AK3: variants seen among roughly 807,000 people sequenced by gnomAD.
AK3 encodes the protein adenylate kinase 3.
AK3 carries 27 observed loss-of-function variants against 23.7 expected under a neutral mutation model. That is an observed-to-expected ratio of 1.14 (90% CI 0.84 to 1.57). The LOEUF (loss-of-function observed/expected upper bound fraction) is 1.57. Among genes scored for constraint, AK3 ranks in the 40% most tolerant of loss-of-function variants. The probability of loss-of-function intolerance (pLI) is 0.00; values close to 1 mark genes in which losing one functional copy is unlikely to be tolerated. For missense variants in AK3, 406 were observed against 285.6 expected (o/e 1.42, Z -3.04); for synonymous variants, 159 against 116.0 (o/e 1.37, Z -2.38).
At chr9:4,740,823 G>A in intron 1 of AK3, 114 bp downstream of exon 1, 1 of 1,258,554 alleles carries the variant, frequency 7.9e-7, no homozygotes. Context: ...CCGGGCGGCG[G>A]GAGGGAAATG....
chr9:4,733,926 GC>G (rs773725237), intron 1 of AK3, among the ~76,000 whole-genome samples: 23 of 152,202 alleles, frequency 1.5e-4, no homozygotes, highest in Non-Finnish European at 2.9e-4. Context: ...GGAACTGGAA[GC>G]TCCCCCTCTG....
intron 4 of AK3, 37 bp from the exon 5 acceptor site, chr9:4,713,133 G>T: frequency 1.2e-6 from 2 of 1,605,052 alleles, no homozygotes; most frequent in African/African-American, 1.3e-5. Flanking sequence ...ACACACACAG[G>T]TCTGAGTCTT....
At position 4,713,019 on chromosome 9, in the gene AK3, G is replaced by C. The variant is rs767490182; in HGVS notation, c.641C>G (p.Thr214Ser). ...IWPYVYAFLQ[T>S]KVPQRSQKAS... is the part of the protein sequence containing the mutation. ...TTTCTGGCTTCTTTGTGGAACTTTA[G>C]TTTGTAGGAAAGCATATACATAGGG... The change falls in exon 5 of 5, where the codon ACT (threonine) becomes AGT (serine). Residue 214 changes from threonine to serine, a missense_variant. Physicochemically the swap from Thr to Ser is moderately conservative, Grantham distance 58 (BLOSUM62 1). Coordinates refer to ENST00000381809, the MANE Select transcript of AK3 (RefSeq NM_016282.4). 14 of 1,613,572 alleles carry C rather than the reference G, an allele frequency of 8.7e-6. No homozygotes were observed. The highest frequency in any genetic ancestry group is 8.3e-5 in the Admixed American group (5 of 59,978).
chr9:4,718,850 A>C (rs1376353185), intron 3 of AK3, among the ~76,000 whole-genome samples: 1 of 152,232 alleles, frequency 6.6e-6, no homozygotes, highest in Non-Finnish European at 1.5e-5. Flanking sequence ...AGTCCTAAAT[A>C]AACCAAGGTG....
intron 4 of AK3, among the ~76,000 whole-genome samples, chr9:4,716,255 C>T (rs1343426670): frequency 1.3e-5 from 2 of 152,176 alleles, no homozygotes; most frequent in South Asian, 4.1e-4. Context: ...CCCAGCTCCC[C>T]ACCTCACCCA....
intron 4 of AK3, among the ~76,000 whole-genome samples, chr9:4,714,495 T>C (rs1219822256): frequency 6.6e-6 from 1 of 152,238 alleles, no homozygotes; most frequent in Non-Finnish European, 1.5e-5. Context: ...GAAACCCTCC[T>C]GCTTCTAAAT....
chr9:4,718,794 T>C (rs931239109), intron 3 of AK3, among the ~76,000 whole-genome samples: 4 of 152,208 alleles, frequency 2.6e-5, no homozygotes, highest in African/African-American at 9.6e-5. Context: ...AGTAAGTTCA[T>C]ATATATTCAA....
In AK3 at chr9:4,727,243, C is replaced by A. The variant is rs1349714443; in HGVS notation, c.152-4618G>T. ...GTCCCTAGCAAGAGAGTCAGCCTGT[C>A]CTTTGAAGCTTTGAAGTCAAGCATT... On this transcript the variant is annotated intron_variant, in intron 1 of 4. Coordinates refer to ENST00000381809, the MANE Select transcript of AK3 (RefSeq NM_016282.4). Among the ~76,000 whole-genome samples, 2 of 152,162 alleles carry A rather than the reference C, an allele frequency of 1.3e-5. 1 individual carries two copies. The highest frequency in any genetic ancestry group is 2.9e-5 in the Non-Finnish European group (2 of 68,016).
At chr9:4,718,745 C>G (rs1482614075) in intron 3 of AK3, among the ~76,000 whole-genome samples, 3 of 150,432 alleles carry the variant, frequency 2.0e-5, no homozygotes, top group East Asian at 4.0e-4. Flanking sequence ...TTATCAGTCA[C>G]TTTAGCCTTA....
chr9:4,725,360 A>G (rs1190473729), intron 1 of AK3, among the ~76,000 whole-genome samples: 1 of 152,146 alleles, frequency 6.6e-6, no homozygotes, highest in Non-Finnish European at 1.5e-5. Context: ...CTTCATCACT[A>G]TGCATTAGGC....
At chr9:4,713,865 C>A in intron 4 of AK3, among the ~76,000 whole-genome samples, 1 of 30,776 alleles carries the variant, frequency 3.2e-5, no homozygotes, top group African/African-American at 9.4e-5. Flanking sequence ...TGGCCTTCCT[C>A]TTGCTAATAC....
chr9:4,711,454 C>A lies in AK3; in HGVS notation c.*1522G>T, dbSNP rs1841559537. 2 of 152,498 alleles carry A rather than the reference C, an allele frequency of 1.3e-5. No individual in the cohort carries two copies. The highest frequency in any genetic ancestry group is 2.4e-5 in the African/African-American group (1 of 41,468). 9.4% of individuals were successfully genotyped at this position (152,498 alleles called of 1,614,324 possible). Reference sequence around the variant, plus strand: ...TGTTTCCTATATTTCTTTTAAAAAACCTTGGTTCATCTTGAAAGATCGATG... The same window carrying A: ...TGTTTCCTATATTTCTTTTAAAAAAACTTGGTTCATCTTGAAAGATCGATG... On this transcript the variant is annotated 3_prime_UTR_variant, in exon 5 of 5. Transcript: ENST00000381809.
chr9:4,709,811 A>ATTTATT lies in AK3; in HGVS notation c.*3159_*3164dup, dbSNP rs985360824. ...TTCTACAGTTTATCAGGGCCTGAGG[A>ATTTATT]TTTATTTTTATTTTTATTTTTATTT... On this transcript the variant is annotated 3_prime_UTR_variant, in exon 5 of 5. Coordinates refer to ENST00000381809, the MANE Select transcript of AK3 (RefSeq NM_016282.4). The ATTTATT allele has an allele frequency of 2.0e-5, 3 of 152,088 alleles. No individual in the cohort carries two copies. The highest frequency in any genetic ancestry group is 4.4e-5 in the Non-Finnish European group (3 of 68,026). 9.4% of individuals were successfully genotyped at this position (152,088 alleles called of 1,614,324 possible). A position where few individuals can be genotyped will look rare whatever the true frequency, so the allele number is the denominator to read the frequency against.
At chr9:4,713,979 C>CACGCCTACACATAT (rs1563780939) in intron 4 of AK3, among the ~76,000 whole-genome samples, 1,138 of 17,368 alleles carry the variant, frequency 0.066, no homozygotes, top group East Asian at 0.098. Flanking sequence ...TCCACATTTA[C>CACGCCTACACATAT]ACACCTACAC....
chr9:4,725,429 T>C (rs769546063), intron 1 of AK3, among the ~76,000 whole-genome samples: 3 of 152,052 alleles, frequency 2.0e-5, no homozygotes, highest in Non-Finnish European at 4.4e-5. Flanking sequence ...ATAGATACAT[T>C]AGACTTCATT....
chr9:4,722,657 T>G lies in AK3; in HGVS notation c.152-32A>C, dbSNP rs1294642586. The G allele has an allele frequency of 2.5e-6, 4 of 1,613,834 alleles. No homozygotes were observed. In the African/African-American group the frequency reaches 5.3e-5, roughly 22 times the overall value. ...CAAAGCGGGGAAAAAAATCAGTAAG[T>G]GCATTTGTTTTATCCCATTCCAGGC... On this transcript the variant is annotated intron_variant, in intron 1 of 4. Transcript: ENST00000381809.
At chr9:4,740,801 G>T in intron 1 of AK3, 136 bp downstream of exon 1, 1 of 1,143,976 alleles carries the variant, frequency 8.7e-7, no homozygotes, top group Non-Finnish European at 1.2e-6. Context: ...TCAGCAGCCC[G>T]AGGTCTCTGT....
chr9:4,728,296 C>T (rs1250238337), intron 1 of AK3, among the ~76,000 whole-genome samples: 1 of 152,144 alleles, frequency 6.6e-6, no homozygotes, highest in Non-Finnish European at 1.5e-5. Flanking sequence ...TTAGGCCAGG[C>T]ACAATGGCTC....
In AK3 at chr9:4,712,407, A is replaced by G. The variant is rs12351140; in HGVS notation, c.*569T>C. On this transcript the variant is annotated 3_prime_UTR_variant, in exon 5 of 5. Transcript: ENST00000381809. The stretch of plus-strand genomic sequence containing the variant: ...AACTGAAAGTATGCTTAACGACAAA[A>G]TAAATACAGCATATATGGTTAACAT... The G allele has an allele frequency of 2.0e-5, 3 of 152,234 alleles. No homozygotes were observed. Among genetic ancestry groups the G allele is most frequent in the Admixed American group, 1.3e-4 (2 of 15,282 alleles). The allele number at this position is 152,234 out of a possible 1,614,324, so 9.4% of individuals were successfully genotyped here.
Sources: gnomAD v4.1 joint callset for allele counts (sites outside exome capture counted in the v4.1 genomes callset) on GRCh38, gnomAD v4.1.1 for gene constraint, MANE v1.5 for transcripts, NCBI Gene and HGNC (gene_info 2026-07-23, HGNC 2026-07-21) for gene names.